Variants in RBFOX1 observed in about 807,000 individuals in gnomAD.
The protein encoded by RBFOX1 is RNA binding protein fox-1 homolog 1.
Under a neutral mutation model 57.7 loss-of-function variants are expected in RBFOX1, and 8 were observed. The ratio of observed to expected loss-of-function variants is 0.14; its 90% CI spans 0.08 to 0.25. The LOEUF (loss-of-function observed/expected upper bound fraction) is 0.25. RBFOX1 is among the 10% of genes least tolerant of loss of function. The probability of loss-of-function intolerance (pLI) is 1.00; values close to 1 mark genes in which losing one functional copy is unlikely to be tolerated. For missense variants in RBFOX1, 611 were observed against 548.5 expected (o/e 1.11, Z -1.14); for synonymous variants, 326 against 222.4 (o/e 1.47, Z -4.15).
intron 1 of RBFOX1, among the ~76,000 whole-genome samples, chr16:6,265,192 G>A (rs2074322687): frequency 6.6e-6 from 1 of 152,086 alleles, no homozygotes; most frequent in South Asian, 2.1e-4. Flanking sequence ...ACACTCACGT[G>A]TTTGTCTGGT....
At chr16:7,287,130 A>G (rs2095665771) in intron 4 of RBFOX1, among the ~76,000 whole-genome samples, 1 of 152,180 alleles carries the variant, frequency 6.6e-6, no homozygotes, top group Non-Finnish European at 1.5e-5. Flanking sequence ...AAGCCAATGG[A>G]GTTAGCACAG....
At chr16:7,189,202 G>C (rs538554332) in intron 4 of RBFOX1, among the ~76,000 whole-genome samples, 29 of 151,906 alleles carry the variant, frequency 1.9e-4, no homozygotes, top group Non-Finnish European at 3.7e-4. Flanking sequence ...GACGTAGGTA[G>C]ATCATGAGGT....
chr16:7,686,908 T>A (rs1022275683), intron 14 of RBFOX1, among the ~76,000 whole-genome samples: 2 of 152,220 alleles, frequency 1.3e-5, no homozygotes, highest in African/African-American at 4.8e-5. Flanking sequence ...GAACTTGGGT[T>A]TGAATTTCCA....
chr16:6,202,324 C>T (rs996568400), intron 1 of RBFOX1, among the ~76,000 whole-genome samples: 1 of 152,184 alleles, frequency 6.6e-6, no homozygotes, highest in Admixed American at 6.5e-5. Context: ...CCTGATTGCT[C>T]TGAGAGATTT....
intron 3 of RBFOX1, among the ~76,000 whole-genome samples, chr16:5,668,108 C>A (rs1341515417): frequency 6.6e-6 from 1 of 152,166 alleles, no homozygotes; most frequent in African/African-American, 2.4e-5. Flanking sequence ...TCGTGAAACT[C>A]TGTCTCTACT....
chr16:5,364,461 T>C (rs1212785610), intron 1 of RBFOX1, among the ~76,000 whole-genome samples: 2 of 152,218 alleles, frequency 1.3e-5, no homozygotes, highest in Non-Finnish European at 2.9e-5. Context: ...CAATGGCAAG[T>C]ACAGCCTCAG....
At chr16:7,031,767 C>T (rs1285900217) in intron 3 of RBFOX1, among the ~76,000 whole-genome samples, 2 of 152,084 alleles carry the variant, frequency 1.3e-5, no homozygotes, top group South Asian at 4.1e-4. Context: ...CCGTGTTTTA[C>T]CCACTGCAGA....
At chr16:7,137,705 C>G (rs1338171751) in intron 4 of RBFOX1, among the ~76,000 whole-genome samples, 1 of 152,162 alleles carries the variant, frequency 6.6e-6, no homozygotes, top group Non-Finnish European at 1.5e-5. Flanking sequence ...TACGTGACAA[C>G]AGCAACTTAA....
intron 3 of RBFOX1, among the ~76,000 whole-genome samples, chr16:6,692,861 A>C (rs905521559): frequency 6.6e-6 from 1 of 151,940 alleles, no homozygotes. Context: ...CACCATCATC[A>C]TCACCATCCT....
At chr16:5,438,646 C>T (rs777994995) in intron 1 of RBFOX1, among the ~76,000 whole-genome samples, 4 of 152,114 alleles carry the variant, frequency 2.6e-5, no homozygotes, top group African/African-American at 4.8e-5. Flanking sequence ...TGGAAGTATA[C>T]GAAAAATCAA....
intron 4 of RBFOX1, among the ~76,000 whole-genome samples, chr16:7,493,673 T>TA (rs2067667923): frequency 6.6e-6 from 1 of 152,154 alleles, no homozygotes; most frequent in Non-Finnish European, 1.5e-5. Flanking sequence ...GGTAAGGAAT[T>TA]AAGGTGGTCA....
intron 3 of RBFOX1, among the ~76,000 whole-genome samples, chr16:5,825,403 A>G (rs1397774953): frequency 6.6e-6 from 1 of 152,172 alleles, no homozygotes; most frequent in Non-Finnish European, 1.5e-5. Flanking sequence ...CACAGCTCTT[A>G]ACAGAGCAGC....
At chr16:5,977,642 C>A (rs1039485114) in intron 4 of RBFOX1, among the ~76,000 whole-genome samples, 2 of 152,100 alleles carry the variant, frequency 1.3e-5, no homozygotes, top group African/African-American at 4.8e-5. Flanking sequence ...AGAGCAGCCA[C>A]AGAGAAGAGA....
chr16:6,784,222 T>C (rs1260889833), intron 3 of RBFOX1, among the ~76,000 whole-genome samples: 2 of 152,106 alleles, frequency 1.3e-5, no homozygotes, highest in Non-Finnish European at 2.9e-5. Context: ...TCTCTTTCTC[T>C]ACTTCTTCTT....
At chr16:6,413,606 A>C (rs978584891) in intron 2 of RBFOX1, among the ~76,000 whole-genome samples, 2 of 152,218 alleles carry the variant, frequency 1.3e-5, no homozygotes, top group Non-Finnish European at 2.9e-5. Flanking sequence ...TTGACAGAGA[A>C]AGAAAGAAAG....
intron 3 of RBFOX1, among the ~76,000 whole-genome samples, chr16:6,826,518 G>T (rs948908347): frequency 6.6e-6 from 1 of 152,176 alleles, no homozygotes; most frequent in Non-Finnish European, 1.5e-5. Context: ...CGTTCCATAA[G>T]TGGCAGTGTG....
intron 2 of RBFOX1, among the ~76,000 whole-genome samples, chr16:6,515,422 C>G (rs938991935): frequency 6.6e-6 from 1 of 152,164 alleles, no homozygotes; most frequent in African/African-American, 2.4e-5. Context: ...TTAGAGTCCT[C>G]CCATTTTGGT....
At chr16:6,557,627 T>A (rs927901929) in intron 2 of RBFOX1, among the ~76,000 whole-genome samples, 1 of 152,204 alleles carries the variant, frequency 6.6e-6, no homozygotes, top group African/African-American at 2.4e-5. Flanking sequence ...TATCGCTGAT[T>A]AATTCCCATT....
chr16:7,370,194 A>G (rs909151491), intron 4 of RBFOX1, among the ~76,000 whole-genome samples: 1 of 152,138 alleles, frequency 6.6e-6, no homozygotes, highest in South Asian at 2.1e-4. Flanking sequence ...ATGACAACCA[A>G]ACATTGCCAT....
Sources: gnomAD v4.1 joint callset for allele counts (sites outside exome capture counted in the v4.1 genomes callset) on GRCh38, gnomAD v4.1.1 for gene constraint, MANE v1.5 for transcripts, NCBI Gene and HGNC (gene_info 2026-07-23, HGNC 2026-07-21) for gene names.